ATP9B: variants seen among roughly 807,000 people sequenced by gnomAD.
ATP9B encodes the protein probable phospholipid-transporting ATPase IIB.
In ATP9B, 110 loss-of-function variants were observed where a neutral mutation model predicts 146.1. The ratio of observed to expected loss-of-function variants is 0.75; its 90% CI spans 0.65 to 0.88. The LOEUF (loss-of-function observed/expected upper bound fraction) is 0.88, where lower values mean the gene tolerates loss of function less well. Ranked by LOEUF, ATP9B falls within the 40% of genes least tolerant of loss-of-function variation. The pLI, the probability that ATP9B is intolerant of heterozygous loss-of-function variation, is 0.00. For synonymous variants in ATP9B, 604 were observed against 569.7 expected (o/e 1.06, Z -0.86); for missense variants, 1,499 against 1,496.4 (o/e 1.00, Z -0.03).
intron 12 of ATP9B, among the ~76,000 whole-genome samples, chr18:79,275,919 T>G (rs970707419): frequency 7.2e-5 from 11 of 152,258 alleles, no homozygotes; most frequent in Non-Finnish European, 2.9e-5. Flanking sequence ...CAAAGTATGA[T>G]TATTTAATGT....
At chr18:79,303,183 G>A (rs953844985) in intron 13 of ATP9B, among the ~76,000 whole-genome samples, 1 of 152,154 alleles carries the variant, frequency 6.6e-6, no homozygotes, top group Non-Finnish European at 1.5e-5. Flanking sequence ...GCAATGTAGG[G>A]AGTCACTGCC....
At chr18:79,286,698 G>T (rs563963341) in intron 13 of ATP9B, among the ~76,000 whole-genome samples, 2 of 152,120 alleles carry the variant, frequency 1.3e-5, no homozygotes, top group South Asian at 4.1e-4. Context: ...TCTTGTGCCA[G>T]TTTTCAAAGG....
chr18:79,099,394 G>A (rs924660987), intron 2 of ATP9B, among the ~76,000 whole-genome samples: 1 of 151,990 alleles, frequency 6.6e-6, no homozygotes, highest in African/African-American at 2.4e-5. Flanking sequence ...GCTAATTTTT[G>A]TATTTTTAGT....
chr18:79,361,053 G>C (rs899155116), intron 26 of ATP9B: 1 of 152,174 alleles, frequency 6.6e-6, no homozygotes, highest in African/African-American at 2.4e-5. Context: ...CATGTACGAA[G>C]GTAAACCTCG....
chr18:79,359,171 A>G (rs923083582), intron 25 of ATP9B, among the ~76,000 whole-genome samples, 183 bp from the exon 26 acceptor site: 12 of 152,162 alleles, frequency 7.9e-5, no homozygotes, highest in Admixed American at 2.0e-4. Flanking sequence ...AGAACATGCT[A>G]CTGTGCTCTG....
At position 79,344,336 on chromosome 18, in the gene ATP9B, A is replaced by G; in HGVS notation, c.2454A>G (p.Ile818Met). 1 of 1,614,202 alleles carries G rather than the reference A, an allele frequency of 6.2e-7. No homozygotes were observed. The highest frequency in any genetic ancestry group is 1.3e-5 in the African/African-American group (1 of 75,050). The change falls in exon 21 of 30, where the codon ATA becomes ATG. Residue 818 changes from isoleucine to methionine, a missense_variant. Coordinates refer to ENST00000426216, the MANE Select transcript of ATP9B (RefSeq NM_198531.5). The part of the protein sequence containing the change: ...FRRKHDCALV[I>M]SGDSLEVCLK... ...GGAAGCATGATTGTGCACTAGTCAT[A>G]TCTGGGGACTCTCTGGAGGTAAGGC...
chr18:79,240,935 T>A (rs1329830146), intron 11 of ATP9B, among the ~76,000 whole-genome samples: 1 of 152,176 alleles, frequency 6.6e-6, no homozygotes, highest in Admixed American at 6.5e-5. Context: ...TGTGTGTTCT[T>A]GACCAAACAC....
intron 11 of ATP9B, among the ~76,000 whole-genome samples, chr18:79,234,555 C>T (rs150351380): frequency 1.3e-5 from 2 of 151,754 alleles, no homozygotes; most frequent in Non-Finnish European, 3.0e-5. Flanking sequence ...ATGCTTGCTG[C>T]GGGCGTGCTG....
chr18:79,196,393 G>C (rs889138282), intron 9 of ATP9B, among the ~76,000 whole-genome samples: 1 of 152,194 alleles, frequency 6.6e-6, no homozygotes, highest in African/African-American at 2.4e-5. Flanking sequence ...AGTGGAGGGA[G>C]GATGGGTGGA....
At chr18:79,334,084 G>A (rs1244480015) in intron 17 of ATP9B, among the ~76,000 whole-genome samples, 4 of 152,168 alleles carry the variant, frequency 2.6e-5, no homozygotes, top group African/African-American at 9.7e-5. Flanking sequence ...TAGGCTGGGC[G>A]CGGTGGCTCA....
intron 12 of ATP9B, among the ~76,000 whole-genome samples, chr18:79,276,404 C>CAG (rs1042245196): frequency 2.0e-5 from 3 of 152,272 alleles, no homozygotes; most frequent in African/African-American, 7.2e-5. Flanking sequence ...AAGTCCAGGG[C>CAG]ATAGTTAGCA....
chr18:79,215,986 G>C (rs938975536), intron 11 of ATP9B, among the ~76,000 whole-genome samples: 1 of 152,106 alleles, frequency 6.6e-6, no homozygotes, highest in African/African-American at 2.4e-5. Context: ...CACCGCACCC[G>C]ACCACAAAAC....
At chr18:79,240,534 G>T (rs1454415671) in intron 11 of ATP9B, among the ~76,000 whole-genome samples, 2 of 152,104 alleles carry the variant, frequency 1.3e-5, no homozygotes, top group African/African-American at 4.8e-5. Context: ...TCACCTGAGG[G>T]CAGGAGTTCG....
At chr18:79,361,766 C>T (rs919739819) in intron 26 of ATP9B, 2 of 985,430 alleles carry the variant, frequency 2.0e-6, no homozygotes, top group Non-Finnish European at 2.4e-6. Context: ...GACTGCAGCA[C>T]TCTGCGTTGT....
At chr18:79,119,346 T>G (rs1449252904) in intron 4 of ATP9B, among the ~76,000 whole-genome samples, 1 of 152,182 alleles carries the variant, frequency 6.6e-6, no homozygotes, top group African/African-American at 2.4e-5. Flanking sequence ...CACACGTCTG[T>G]TTACCAAGAC....
chr18:79,189,316 C>T (rs1213832004), intron 8 of ATP9B, among the ~76,000 whole-genome samples: 1 of 152,020 alleles, frequency 6.6e-6, no homozygotes, highest in Non-Finnish European at 1.5e-5. Flanking sequence ...CGCTGCACTC[C>T]AGCCTGGGCG....
At chr18:79,212,535 C>A (rs2095593942) in intron 10 of ATP9B, among the ~76,000 whole-genome samples, 2 of 152,056 alleles carry the variant, frequency 1.3e-5, no homozygotes, top group African/African-American at 4.8e-5. Context: ...TTGCAGTTTG[C>A]CTTCTTACAT....
rs528927355 is a variant in ATP9B at position 79,306,518 on chromosome 18, G to A, written c.1525-468G>A. ...ACTGTCTAAACTCAGAGACTACTGA[G>A]AGCAGGATTAATTTATGGTATTAAG... On this transcript the variant is annotated intron_variant, in intron 14 of 29. Coordinates refer to ENST00000426216, the MANE Select transcript of ATP9B (RefSeq NM_198531.5). Among the ~76,000 whole-genome samples, 9 of 152,200 alleles carry A rather than the reference G, an allele frequency of 5.9e-5. No individual in the cohort carries two copies. In the South Asian group the frequency reaches 1.4e-3, roughly 24 times the overall value.
chr18:79,182,664 A>G (rs571729817), intron 8 of ATP9B, among the ~76,000 whole-genome samples: 232 of 152,326 alleles, frequency 1.5e-3, no homozygotes, highest in South Asian at 3.9e-3. Flanking sequence ...TAGTTACCAC[A>G]ACATGACTTG....
Sources: gnomAD v4.1 joint callset for allele counts (sites outside exome capture counted in the v4.1 genomes callset) on GRCh38, gnomAD v4.1.1 for gene constraint, MANE v1.5 for transcripts, NCBI Gene and HGNC (gene_info 2026-07-23, HGNC 2026-07-21) for gene names.